Variants in MED13 observed in about 807,000 individuals in gnomAD.
MED13 encodes the protein mediator of RNA polymerase II transcription subunit 13.
Under a neutral mutation model 225.2 loss-of-function variants are expected in MED13, and 23 were observed. That is an observed-to-expected ratio of 0.10 (90% CI 0.07 to 0.14). The LOEUF (loss-of-function observed/expected upper bound fraction) is 0.14, where lower values mean the gene tolerates loss of function less well. MED13 is among the 10% of genes least tolerant of loss of function. The probability of loss-of-function intolerance (pLI) is 1.00; values close to 1 mark genes in which losing one functional copy is unlikely to be tolerated. For missense variants in MED13, 2,197 were observed against 2,594.5 expected (o/e 0.85, Z 3.33); for synonymous variants, 942 against 889.2 (o/e 1.06, Z -1.06).
chr17:62,058,446 GGGAGGCGGAGGTCGCAGTGA>G (rs2081012016), intron 2 of MED13, among the ~76,000 whole-genome samples: 1 of 151,242 alleles, frequency 6.6e-6, no homozygotes, highest in Non-Finnish European at 1.5e-5. Flanking sequence ...GCTTGAACCT[GGGAGGCGGAGGTCGCAGTGA>G]GCCAAGATCG....
At chr17:61,966,920 G>C (rs961979544) in intron 18 of MED13, among the ~76,000 whole-genome samples, 7 of 151,958 alleles carry the variant, frequency 4.6e-5, no homozygotes, top group African/African-American at 1.7e-4. Context: ...AAAACACCTA[G>C]ATAACAATAG....
intron 11 of MED13, among the ~76,000 whole-genome samples, chr17:61,991,317 C>A (rs976890129): frequency 1.1e-4 from 16 of 151,866 alleles, no homozygotes; most frequent in Admixed American, 4.6e-4. Context: ...CAGGGTTTCA[C>A]CTTGTTGGCC....
At chr17:61,954,731 C>T (rs139101696) in intron 26 of MED13, among the ~76,000 whole-genome samples, 4 of 152,192 alleles carry the variant, frequency 2.6e-5, no homozygotes, top group East Asian at 1.9e-4. Flanking sequence ...AGGCTGAGAT[C>T]GTACCACTGC....
intron 2 of MED13, among the ~76,000 whole-genome samples, chr17:62,057,116 G>A (rs1233549626): frequency 6.6e-6 from 1 of 152,044 alleles, no homozygotes; most frequent in East Asian, 1.9e-4. Flanking sequence ...GGTAAAAAAT[G>A]AATCTTCTCC....
At position 61,995,378 on chromosome 17, in the gene MED13, A is replaced by T. The variant is rs1164223345; in HGVS notation, c.1968-13T>A. On this transcript the variant is annotated splice_polypyrimidine_tract_variant and intron_variant, in intron 9 of 29. Transcript: ENST00000397786. ...TTGCACCATTAACCTGCATAAAAAA[A>T]TTAAAAAAAATTAATTATCCACATA... 1.3e-6 allele frequency: 2 copies of T among 1,547,638 alleles called. No individual in the cohort carries two copies. The highest frequency in any genetic ancestry group is 1.2e-5 in the South Asian group (1 of 82,070).
Position 61,971,317 on chromosome 17 carries a change from C to T in MED13, c.3967+1410G>A, listed in dbSNP as rs147770249. 3.2e-3 allele frequency among the ~76,000 whole-genome samples: 465 copies of T among 143,532 alleles called. 2 individuals carry two copies. Among genetic ancestry groups the T allele is most frequent in the Middle Eastern group, 0.015 (4 of 264 alleles). The allele number at this position is 143,532 out of a possible 152,430, so 94.2% of individuals were successfully genotyped here. A position where few individuals can be genotyped will look rare whatever the true frequency, so the allele number is the denominator to read the frequency against. On this transcript the variant is annotated intron_variant, in intron 17 of 29. Transcript: ENST00000397786. ...TTGAGATGGAGTTTCGCTTTTGTTGCCTAGGCTGGAGTACAATGGCGCGAT... is the reference window on the plus strand; with the variant it reads ...TTGAGATGGAGTTTCGCTTTTGTTGTCTAGGCTGGAGTACAATGGCGCGAT...
At chr17:61,955,636 A>G in intron 25 of MED13, 44 bp downstream of exon 25, 1 of 1,563,426 alleles carries the variant, frequency 6.4e-7, no homozygotes, top group Non-Finnish European at 8.6e-7. Flanking sequence ...TAAAAACTTA[A>G]CTGCATAAAG....
At chr17:62,008,360 A>T (rs1263959108) in intron 9 of MED13, among the ~76,000 whole-genome samples, 1 of 148,902 alleles carries the variant, frequency 6.7e-6, no homozygotes, top group African/African-American at 2.5e-5. Flanking sequence ...TAGCCTTTCA[A>T]GTGCCCAGCA....
chr17:62,050,298 C>T (rs2080944477), intron 3 of MED13, among the ~76,000 whole-genome samples: 1 of 150,014 alleles, frequency 6.7e-6, no homozygotes, highest in Admixed American at 6.7e-5. Flanking sequence ...GCAGAGGTTG[C>T]AGTGAGCCGA....
chr17:61,992,699 G>GCC, intron 10 of MED13, 78 bp from the exon 11 acceptor site: 2 of 950,002 alleles, frequency 2.1e-6, no homozygotes, highest in Non-Finnish European at 1.7e-6. Context: ...GAGGAGCTGT[G>GCC]TGTCAGGCAT....
At chr17:61,966,351 A>G (rs910483329) in intron 19 of MED13, 111 bp downstream of exon 19, 1 of 861,474 alleles carries the variant, frequency 1.2e-6, no homozygotes, top group Non-Finnish European at 1.8e-6. Context: ...CAGAGAAAAT[A>G]CATAAATGAG....
At chr17:62,003,535 G>A (rs1385468385) in intron 9 of MED13, among the ~76,000 whole-genome samples, 1 of 145,878 alleles carries the variant, frequency 6.9e-6, no homozygotes, top group Non-Finnish European at 1.5e-5. Context: ...AAGCCAGGAG[G>A]CAGAGGTTGC....
In MED13 at chr17:61,952,135, C is replaced by T. The variant is rs551273080; in HGVS notation, c.6117+830G>A. Among the ~76,000 whole-genome samples, 12 of 152,102 alleles carry T rather than the reference C, an allele frequency of 7.9e-5. 1 individual carries two copies. The South Asian group carries it at 2.5e-3, about 32-fold the overall frequency. Reference sequence around the variant, plus strand: ...GTCTCAATCTCCTGACCTCGTGATCCGCCTGCCTCAGCCTCCCAAAGTGCT... The same window carrying T: ...GTCTCAATCTCCTGACCTCGTGATCTGCCTGCCTCAGCCTCCCAAAGTGCT... On this transcript the variant is annotated intron_variant, in intron 27 of 29. Coordinates refer to ENST00000397786, the MANE Select transcript of MED13 (RefSeq NM_005121.3).
chr17:62,014,501 G>T (rs1287633430), intron 8 of MED13, among the ~76,000 whole-genome samples: 4 of 151,966 alleles, frequency 2.6e-5, no homozygotes, highest in African/African-American at 9.7e-5. Flanking sequence ...ATTTTCAGTA[G>T]AGGTGGGGTT....
At chr17:62,034,822 C>T (rs2080788628) in intron 4 of MED13, among the ~76,000 whole-genome samples, 1 of 151,982 alleles carries the variant, frequency 6.6e-6, no homozygotes, top group African/African-American at 2.4e-5. Context: ...AGCTATGTTA[C>T]ACATGGCTCT....
In MED13 at chr17:61,965,073, G is replaced by T. The variant is rs2143369012; in HGVS notation, c.4777C>A (p.Gln1593Lys). 1 of 1,614,202 alleles carries T rather than the reference G, an allele frequency of 6.2e-7. No homozygotes were observed. Among genetic ancestry groups the T allele is most frequent in the Admixed American group, 1.7e-5 (1 of 60,034 alleles). ...QLGGQQTSAL[Q>K]TAGISGESSS... ...GATTCTCCAGAAATCCCAGCTGTCT[G>T]TAGAGCTGATGTCTGTTGCCCTCCT... Residue 1593 changes from glutamine (Q) to lysine (K), a missense_variant, in exon 20 of 30, where the codon CAG (glutamine) becomes AAG (lysine). By Grantham distance (53) the Gln-to-Lys change is moderately conservative (BLOSUM62 1). Transcript: ENST00000397786.
At chr17:62,020,144 AT>A (rs1181823567) in intron 8 of MED13, among the ~76,000 whole-genome samples, 4 of 152,000 alleles carry the variant, frequency 2.6e-5, no homozygotes, top group African/African-American at 9.7e-5. Context: ...ATCCTTTTAG[AT>A]TATTTTTTCC....
chr17:62,061,984 G>GT (rs1239651195), intron 2 of MED13, among the ~76,000 whole-genome samples: 2 of 152,254 alleles, frequency 1.3e-5, no homozygotes, highest in East Asian at 3.9e-4. Flanking sequence ...ACATACAAAT[G>GT]TAACACGTAC....
chr17:61,995,131 G>C (rs2080336378), intron 10 of MED13, 21 bp downstream of exon 10: 2 of 1,540,408 alleles, frequency 1.3e-6, no homozygotes, highest in African/African-American at 1.4e-5. Context: ...TGACCCTTTG[G>C]TGTACTGTGA....
Sources: allele counts gnomAD v4.1 joint callset (sites outside exome capture counted in the v4.1 genomes callset), GRCh38; gene constraint gnomAD v4.1.1; transcripts MANE v1.5; gene names NCBI Gene and HGNC (gene_info 2026-07-23, HGNC 2026-07-21).